Variants in DMD observed in about 807,000 individuals in gnomAD.
The protein encoded by DMD is mutant dystrophin.
DMD carries 63 observed loss-of-function variants against 330.1 expected under a neutral mutation model. That is an observed-to-expected ratio of 0.19 (90% confidence interval 0.16 to 0.24). The LOEUF is 0.24. DMD is among the 10% of genes least tolerant of loss of function. DMD has a pLI of 1.00. For synonymous variants in DMD, 1,223 were observed against 959.8 expected (o/e 1.27, Z -5.07); for missense variants, 3,344 against 2,684.1 (o/e 1.25, Z -5.43).
chrX:32,759,852 G>T (rs371625715), intron 7 of DMD, among the ~76,000 whole-genome samples: 3,147 of 64,508 alleles, frequency 0.049, 154 homozygotes, highest in African/African-American at 0.16. Context: ...TTGGGGGGGG[G>T]GGGGGGGCGG....
chrX:32,661,513 CT>C (rs1389773907), intron 9 of DMD, among the ~76,000 whole-genome samples: 1 of 111,332 alleles, frequency 9.0e-6, no homozygotes, highest in African/African-American at 3.3e-5. Context: ...TGTTGCCAGA[CT>C]TTTTTGTAAT....
At chrX:33,057,960 C>A in intron 1 of DMD, among the ~76,000 whole-genome samples, 1 of 111,795 alleles carries the variant, frequency 8.9e-6, no homozygotes, top group South Asian at 3.7e-4. Context: ...CTCACTACAA[C>A]CTCTGCCTCC....
chrX:32,697,213 G>A (rs1013555277), intron 9 of DMD, among the ~76,000 whole-genome samples: 4 of 111,184 alleles, frequency 3.6e-5, no homozygotes, highest in African/African-American at 1.3e-4. Flanking sequence ...TTGTATATTG[G>A]GTTCCATACA....
chrX:32,070,529 G>A (rs1276262142), intron 44 of DMD, among the ~76,000 whole-genome samples: 1 of 110,969 alleles, frequency 9.0e-6, no homozygotes, highest in Admixed American at 9.7e-5. Flanking sequence ...ACATGTGTGT[G>A]CAAGTATCAA....
intron 44 of DMD, among the ~76,000 whole-genome samples, chrX:32,050,337 T>C (rs1201457536): frequency 1.8e-5 from 2 of 111,297 alleles, no homozygotes; most frequent in Non-Finnish European, 3.8e-5. Flanking sequence ...GTTGTGCTTA[T>C]GCCAAGTGGG....
At chrX:31,266,804 A>G in intron 62 of DMD, 1 of 1,201,881 alleles carries the variant, frequency 8.3e-7, no homozygotes, top group Non-Finnish European at 1.1e-6. Context: ...GCCGCGATCC[A>G]CTTACCCTTT....
At chrX:31,845,577 G>A (rs1441031326) in intron 48 of DMD, among the ~76,000 whole-genome samples, 2 of 110,635 alleles carry the variant, frequency 1.8e-5, no homozygotes, top group Admixed American at 9.7e-5. Context: ...AGGATAAGGG[G>A]CTGGTGGAAG....
chrX:32,549,027 T>C (rs1055747200), intron 16 of DMD, among the ~76,000 whole-genome samples: 1 of 112,072 alleles, frequency 8.9e-6, no homozygotes, highest in African/African-American at 3.2e-5. Flanking sequence ...TCTAAAATGA[T>C]ATCATGAAAA....
chrX:32,289,069 A>G (rs1271236098), intron 42 of DMD, among the ~76,000 whole-genome samples: 1 of 111,910 alleles, frequency 8.9e-6, no homozygotes, highest in Non-Finnish European at 1.9e-5. Context: ...TTTACTTGGG[A>G]TAATTTTACT....
At chrX:31,493,943 A>G (rs971038484) in intron 57 of DMD, among the ~76,000 whole-genome samples, 1 of 110,978 alleles carries the variant, frequency 9.0e-6, no homozygotes, top group African/African-American at 3.3e-5. Flanking sequence ...GCAGATCACG[A>G]GGTCAAGAGA....
At chrX:31,577,123 T>C (rs1478936864) in intron 55 of DMD, among the ~76,000 whole-genome samples, 2 of 112,653 alleles carry the variant, frequency 1.8e-5, no homozygotes, top group African/African-American at 6.4e-5. Flanking sequence ...TATAAACAAA[T>C]ATCTGCTTCC....
At chrX:31,867,207 G>GT (rs202054815) in intron 48 of DMD, among the ~76,000 whole-genome samples, 21,634 of 98,248 alleles carry the variant, frequency 0.22, 1,976 homozygotes, top group Admixed American at 0.4. Flanking sequence ...TGCAAAATTT[G>GT]TTTTTTTTTT....
intron 63 of DMD, among the ~76,000 whole-genome samples, chrX:31,227,120 C>T (rs771317253): frequency 5.7e-4 from 63 of 111,054 alleles, no homozygotes; most frequent in African/African-American, 1.9e-3. Context: ...TTTCAAAGAA[C>T]GACGATTCCT....
At chrX:32,578,263 G>C (rs902969418) in intron 13 of DMD, among the ~76,000 whole-genome samples, 2 of 111,953 alleles carry the variant, frequency 1.8e-5, no homozygotes, top group African/African-American at 6.5e-5. Context: ...GGAATCCCTT[G>C]AGCTTTTAGC....
chrX:33,269,894 G>A (rs899865021), intron 1 of DMD, among the ~76,000 whole-genome samples: 10 of 109,512 alleles, frequency 9.1e-5, no homozygotes, highest in Admixed American at 8.9e-4. Context: ...ATACCCTGGG[G>A]CTCTTCAGAG....
At chrX:32,597,239 A>AT (rs1397200946) in intron 12 of DMD, among the ~76,000 whole-genome samples, 1 of 111,615 alleles carries the variant, frequency 9.0e-6, no homozygotes, top group South Asian at 3.7e-4. Flanking sequence ...CATTTCTGTC[A>AT]TTTTTTTAAT....
chrX:31,741,371 G>A (rs1022662591), intron 51 of DMD, among the ~76,000 whole-genome samples: 2 of 111,926 alleles, frequency 1.8e-5, no homozygotes, highest in Admixed American at 1.9e-4. Flanking sequence ...CCACAATATA[G>A]CAGCTATACC....
In DMD at chrX:32,004,030, T is replaced by C. The variant is rs773598776; in HGVS notation, c.6439-35516A>G. ...TCTTTCTAAAAGTTTCTTTCTAATA[T>C]AGTATTTTATTTAATTTTGACAACA... On this transcript the variant is annotated intron_variant, in intron 44 of 78. Coordinates refer to ENST00000357033, the MANE Select transcript of DMD (RefSeq NM_004006.3). Among the ~76,000 whole-genome samples the C allele has an allele frequency of 2.7e-5, 3 of 111,204 alleles. No individual in the cohort carries two copies. The East Asian group carries it at 8.5e-4, about 31-fold the overall frequency.
chrX:31,465,964 T>C (rs1437367432), intron 59 of DMD, among the ~76,000 whole-genome samples: 5 of 112,583 alleles, frequency 4.4e-5, no homozygotes, highest in Non-Finnish European at 7.5e-5. Context: ...TTCATGTTTG[T>C]TGGCCGCATA....
Sources: allele counts gnomAD v4.1 joint callset (sites outside exome capture counted in the v4.1 genomes callset), GRCh38; gene constraint gnomAD v4.1.1; transcripts MANE v1.5; gene names NCBI Gene and HGNC (gene_info 2026-07-23, HGNC 2026-07-21).